Variants in NINL observed in about 807,000 individuals in gnomAD.
NINL encodes ninein like.
In NINL, 153 loss-of-function variants were observed where a neutral mutation model predicts 160.3. The ratio of observed to expected loss-of-function variants is 0.95; its 90% CI spans 0.84 to 1.09. The LOEUF (loss-of-function observed/expected upper bound fraction) is 1.09. Among genes scored for constraint, NINL ranks in the 50% least tolerant of loss-of-function variants. NINL has a pLI of 0.00. For synonymous variants in NINL, 800 were observed against 734.8 expected, an observed-to-expected ratio of 1.09 and a Z score of -1.43; for missense variants, 1,829 against 1,764.0, an observed-to-expected ratio of 1.04 and a Z score of -0.66.
rs1022102054 is a variant in NINL at position 25,498,736 on chromosome 20, C to A, written c.1033-390G>T. 5.9e-5 allele frequency among the ~76,000 whole-genome samples: 9 copies of A among 152,316 alleles called. No homozygotes were observed. In the South Asian group the frequency reaches 1.7e-3, roughly 28 times the overall value. The stretch of plus-strand genomic sequence containing the variant: ...TTTTAAGGATGTGAGCCTTGGGATT[C>A]CCTGCGATGAGGCCTGACCTGCAGC... On this transcript the variant is annotated intron_variant, in intron 8 of 23. Transcript: ENST00000278886.
chr20:25,512,038 T>G (rs1247786071), intron 4 of NINL, among the ~76,000 whole-genome samples: 1 of 152,146 alleles, frequency 6.6e-6, no homozygotes, highest in East Asian at 1.9e-4. Flanking sequence ...CCCATGGACA[T>G]ATTTCTTAAC....
intron 4 of NINL, 140 bp downstream of exon 4, chr20:25,512,694 A>C: frequency 9.2e-7 from 1 of 1,084,876 alleles, no homozygotes; most frequent in East Asian, 2.4e-5. Context: ...CAAAGTGACC[A>C]AGCTTCTGGC....
intron 1 of NINL, among the ~76,000 whole-genome samples, chr20:25,554,272 G>A (rs1184889191): frequency 6.6e-6 from 1 of 152,190 alleles, no homozygotes; most frequent in Non-Finnish European, 1.5e-5. Flanking sequence ...GGGAACCAAG[G>A]CCCAAAGACA....
chr20:25,528,960 G>A (rs138535192), intron 1 of NINL, among the ~76,000 whole-genome samples: 17 of 152,270 alleles, frequency 1.1e-4, no homozygotes, highest in East Asian at 5.8e-4. Context: ...TTAATGTGGC[G>A]GGAGGCGTTT....
chr20:25,467,023 G>A (rs2062930883), intron 19 of NINL, among the ~76,000 whole-genome samples: 1 of 152,226 alleles, frequency 6.6e-6, no homozygotes, highest in Non-Finnish European at 1.5e-5. Flanking sequence ...TGGGCCTCGG[G>A]CCAGTGCAGA....
intron 5 of NINL, among the ~76,000 whole-genome samples, chr20:25,509,428 T>C (rs1028214327): frequency 1.3e-5 from 2 of 152,344 alleles, no homozygotes; most frequent in African/African-American, 4.8e-5. Context: ...CCCTGCTCCT[T>C]GGAGAAGCTC....
chr20:25,453,984 G>A (rs2090603510), intron 23 of NINL, among the ~76,000 whole-genome samples: 1 of 152,066 alleles, frequency 6.6e-6, no homozygotes, highest in Admixed American at 6.6e-5. Context: ...CCCGGGAGGT[G>A]GAGCTTGCAG....
In NINL at chr20:25,503,954, G is replaced by A. The variant is rs767590454; in HGVS notation, c.859C>T (p.Gln287Ter). 68 of 1,613,968 alleles carry A rather than the reference G, an allele frequency of 4.2e-5. No homozygotes were observed. Among genetic ancestry groups the A allele is most frequent in the Non-Finnish European group, 5.1e-5 (60 of 1,179,992 alleles). The change falls in exon 7 of 24, where the codon CAG becomes TAG. Residue 287 changes from glutamine to a stop codon, truncating the protein, a stop_gained and splice_region_variant. Transcript: ENST00000278886. LOFTEE classifies it high-confidence loss of function. ...AGGATTTAACTGTTGCATTTTACCT[G>A]GTAATGAGACCAAGCCTTGCTCGGT... The part of the protein sequence containing the change: ...VKPSKAWSHY[Q>*]VPEESGCHTT...
chr20:25,498,425 C>A, intron 8 of NINL, 79 bp from the exon 9 acceptor site: 1 of 1,553,836 alleles, frequency 6.4e-7, no homozygotes, highest in Non-Finnish European at 8.7e-7. Context: ...CTCCCTGATC[C>A]AGGGCCTAGC....
intron 11 of NINL, 83 bp from the exon 12 acceptor site, chr20:25,490,068 T>A: frequency 1.6e-6 from 2 of 1,231,340 alleles, no homozygotes; most frequent in Non-Finnish European, 2.4e-6. Flanking sequence ...GGCTTGCTTC[T>A]CATAGGACTG....
chr20:25,468,282 G>A (rs2062968080), intron 18 of NINL, among the ~76,000 whole-genome samples: 1 of 144,738 alleles, frequency 6.9e-6, no homozygotes, highest in African/African-American at 2.6e-5. Context: ...GCACCCCCCT[G>A]CTCAGTCCCT....
chr20:25,577,101 A>G (rs1020942524), intron 1 of NINL, among the ~76,000 whole-genome samples: 1 of 152,160 alleles, frequency 6.6e-6, no homozygotes, highest in African/African-American at 2.4e-5. Flanking sequence ...TTCTGTCCCT[A>G]CCCAGAGTTG....
At chr20:25,453,709 T>C in intron 23 of NINL, 67 bp from the exon 24 acceptor site, 1 of 1,418,726 alleles carries the variant, frequency 7.0e-7, no homozygotes, top group Non-Finnish European at 9.6e-7. Context: ...CAGCCTGCTC[T>C]CTTTTATCCT....
At chr20:25,520,317 G>A (rs2064240528) in intron 2 of NINL, among the ~76,000 whole-genome samples, 1 of 152,152 alleles carries the variant, frequency 6.6e-6, no homozygotes, top group Non-Finnish European at 1.5e-5. Flanking sequence ...ACTAAGTGTT[G>A]GAGAAGAAGG....
intron 1 of NINL, among the ~76,000 whole-genome samples, chr20:25,535,839 A>T (rs1235342559): frequency 6.6e-6 from 1 of 152,152 alleles, no homozygotes; most frequent in Non-Finnish European, 1.5e-5. Context: ...ATCTCTCGAC[A>T]TCCTTGAAAA....
chr20:25,511,290 C>T (rs144323766), intron 4 of NINL, among the ~76,000 whole-genome samples: 29 of 152,294 alleles, frequency 1.9e-4, no homozygotes, highest in Non-Finnish European at 3.4e-4. Context: ...GATAGCACAG[C>T]GCCTGGTAAC....
At chr20:25,508,102 A>C (rs1244765680) in intron 5 of NINL, among the ~76,000 whole-genome samples, 1 of 152,208 alleles carries the variant, frequency 6.6e-6, no homozygotes, top group Non-Finnish European at 1.5e-5. Context: ...AGCTTGGCTG[A>C]CTTTTCTCAG....
intron 21 of NINL, chr20:25,458,755 T>C (rs761436411): frequency 6.6e-5 from 34 of 511,330 alleles, no homozygotes; most frequent in Admixed American, 2.6e-4. Context: ...AGAAAACATG[T>C]CCATCACCCT....
At chr20:25,501,037 G>A (rs202093679) in intron 7 of NINL, 27 bp from the exon 8 acceptor site, 174 of 1,607,794 alleles carry the variant, frequency 1.1e-4, no homozygotes, top group Admixed American at 5.4e-4. Flanking sequence ...CTTCCATAGC[G>A]CCCAGCGTCC....
Sources: gnomAD v4.1 joint callset for allele counts (sites outside exome capture counted in the v4.1 genomes callset) on GRCh38, gnomAD v4.1.1 for gene constraint, MANE v1.5 for transcripts, NCBI Gene and HGNC (gene_info 2026-07-23, HGNC 2026-07-21) for gene names.